The following OR56A3 variants were observed in gnomAD, a reference collection of about 807,000 sequenced individuals.
OR56A3 encodes the protein olfactory receptor 56A3.
Under a neutral mutation model 17.5 loss-of-function variants are expected in OR56A3, and 23 were observed. That is an observed-to-expected ratio of 1.32 (90% CI 0.95 to 1.87). The LOEUF (loss-of-function observed/expected upper bound fraction) is 1.87, where lower values mean the gene tolerates loss of function less well. OR56A3 is among the 40% of genes most tolerant of loss of function. OR56A3 has a pLI of 0.00. For missense variants in OR56A3, 366 were observed against 380.1 expected, an observed-to-expected ratio of 0.96 and a Z score of 0.31; for synonymous variants, 175 against 150.6, an observed-to-expected ratio of 1.16 and a Z score of -1.19.
At chr11:5,988,149 T>C in the OR56A3 span, among the ~76,000 whole-genome samples, 1 of 152,202 alleles carries the variant, frequency 6.6e-6, no homozygotes, top group Admixed American at 6.5e-5. Flanking sequence ...TTCCTTTATC[T>C]GAATTGGTCC....
chr11:6,010,600 T>C, the OR56A3 span, among the ~76,000 whole-genome samples: 1 of 152,206 alleles, frequency 6.6e-6, no homozygotes, highest in Non-Finnish European at 1.5e-5. Context: ...TATCTTGATC[T>C]TGGATTTCCT....
chr11:5,969,664 T>C, the OR56A3 span, among the ~76,000 whole-genome samples: 1 of 152,228 alleles, frequency 6.6e-6, no homozygotes, highest in African/African-American at 2.4e-5. Flanking sequence ...CATATCTTAA[T>C]TATTTTCTTC....
At chr11:5,943,453 TG>T (rs1383081886) in intron 1 of OR56A3, 2 of 151,380 alleles carry the variant, frequency 1.3e-5, no homozygotes, top group Non-Finnish European at 2.9e-5. Context: ...AGGAGTCCTT[TG>T]TGACCCCTGG....
downstream of OR56A3, among the ~76,000 whole-genome samples, chr11:5,953,518 T>C (rs1030549045): frequency 4.6e-5 from 7 of 152,162 alleles, no homozygotes; most frequent in Non-Finnish European, 1.0e-4. Context: ...ATTATTACTC[T>C]AGCATTCCTA....
At chr11:5,951,755 C>G (rs1446272933), downstream of OR56A3, among the ~76,000 whole-genome samples, 1 of 152,136 alleles carries the variant, frequency 6.6e-6, no homozygotes, top group African/African-American at 2.4e-5. Context: ...TACGCATTCA[C>G]ACTTAATGTA....
At chr11:5,977,552 A>T in the OR56A3 span, among the ~76,000 whole-genome samples, 15 of 152,126 alleles carry the variant, frequency 9.9e-5, no homozygotes, top group African/African-American at 3.6e-4. Context: ...TCATTTTTTA[A>T]TAAGGTTGTT....
In OR56A3 at chr11:5,947,857, C is replaced by A. The variant is rs374842307; in HGVS notation, c.511C>A (p.Arg171Ser). ...CATCCCCATCCTTTCAGCACAACTC[C>A]GTTATTGTGGAAGAAATGTCATTGA... ...LPIPILSAQL[R>S]YCGRNVIENC... Residue 171 changes from arginine (R) to serine (S), a missense_variant, in exon 3 of 3, where the codon CGT (arginine) becomes AGT (serine). Physicochemically the swap from Arg to Ser is moderately radical, Grantham distance 110. Coordinates refer to ENST00000641160, the MANE Select transcript of OR56A3 (RefSeq NM_001003443.3). 1 of 1,614,180 alleles carries A rather than the reference C, an allele frequency of 6.2e-7. No homozygotes were observed. Among genetic ancestry groups the A allele is most frequent in the Admixed American group, 1.7e-5 (1 of 60,032 alleles).
the OR56A3 span, among the ~76,000 whole-genome samples, chr11:5,979,216 C>A: frequency 6.6e-6 from 1 of 150,742 alleles, no homozygotes; most frequent in Non-Finnish European, 1.5e-5. Flanking sequence ...ACTTTGGTAT[C>A]AAAATGATGC....
the OR56A3 span, among the ~76,000 whole-genome samples, chr11:5,992,297 CA>C: frequency 6.6e-6 from 1 of 152,176 alleles, no homozygotes; most frequent in South Asian, 2.1e-4. Context: ...TTCTCCAACG[CA>C]GTTCACACCC....
chr11:5,966,207 CA>C, the OR56A3 span, among the ~76,000 whole-genome samples: 20,227 of 64,028 alleles, frequency 0.32, 1,414 homozygotes, highest in East Asian at 0.49. Flanking sequence ...CCCGTCTCTA[CA>C]AAAAAAAAAA....
the OR56A3 span, chr11:5,987,079 G>T: frequency 1.4e-6 from 1 of 693,584 alleles, no homozygotes; most frequent in African/African-American, 1.8e-5. Context: ...TCTTTTACAA[G>T]TGAGACATCC....
the OR56A3 span, among the ~76,000 whole-genome samples, chr11:5,958,503 TC>T: frequency 1.3e-5 from 2 of 152,166 alleles, no homozygotes; most frequent in Non-Finnish European, 2.9e-5. Flanking sequence ...AAGCAGTCTT[TC>T]TAAAATGGAC....
At chr11:6,021,884 A>T in the OR56A3 span, 1 of 152,182 alleles carries the variant, frequency 6.6e-6, no homozygotes, top group Non-Finnish European at 1.5e-5. Context: ...TCGCATTACT[A>T]TTAAGTTACT....
chr11:6,012,280 A>T, the OR56A3 span, among the ~76,000 whole-genome samples: 1 of 152,234 alleles, frequency 6.6e-6, no homozygotes, highest in Non-Finnish European at 1.5e-5. Context: ...TCCTTTCTGT[A>T]GCCAGGGTGT....
At chr11:5,959,469 G>A in the OR56A3 span, among the ~76,000 whole-genome samples, 1 of 152,138 alleles carries the variant, frequency 6.6e-6, no homozygotes, top group Non-Finnish European at 1.5e-5. Context: ...TTTTGAGAAT[G>A]TCTACTCAGA....
At chr11:5,966,953 C>G in the OR56A3 span, among the ~76,000 whole-genome samples, 2 of 149,808 alleles carry the variant, frequency 1.3e-5, no homozygotes, top group African/African-American at 4.9e-5. Flanking sequence ...ATGTAAAAAT[C>G]ACTAGGAAAA....
the OR56A3 span, among the ~76,000 whole-genome samples, chr11:5,961,224 C>A: frequency 1.3e-5 from 2 of 151,736 alleles, no homozygotes; most frequent in African/African-American, 4.8e-5. Flanking sequence ...AGCCCCTCTT[C>A]CCCGGCCGCC....
At chr11:6,019,800 A>C in the OR56A3 span, 3 of 152,142 alleles carry the variant, frequency 2.0e-5, no homozygotes, top group Non-Finnish European at 4.4e-5. Context: ...AGTGAATGTC[A>C]GAAGGCTTTT....
the OR56A3 span, among the ~76,000 whole-genome samples, chr11:6,016,082 G>A: frequency 3.9e-5 from 6 of 151,964 alleles, no homozygotes; most frequent in Non-Finnish European, 7.4e-5. Flanking sequence ...TTATGAGGGT[G>A]GTTTCTCATG....
Sources: allele counts gnomAD v4.1 joint callset (sites outside exome capture counted in the v4.1 genomes callset), GRCh38; gene constraint gnomAD v4.1.1; transcripts MANE v1.5; gene names NCBI Gene and HGNC (gene_info 2026-07-23, HGNC 2026-07-21).